The following TENM3 variants were observed in gnomAD, a reference collection of about 807,000 sequenced individuals.
TENM3 encodes the protein teneurin transmembrane protein 3.
A neutral mutation model predicts 255.1 loss-of-function variants in TENM3; 63 were observed. That is an observed-to-expected ratio of 0.25 (90% CI 0.20 to 0.30). The LOEUF (loss-of-function observed/expected upper bound fraction) is 0.30, where lower values mean the gene tolerates loss of function less well. Among genes scored for constraint, TENM3 ranks in the 10% least tolerant of loss-of-function variants. The probability of loss-of-function intolerance (pLI) is 1.00; values close to 1 mark genes in which losing one functional copy is unlikely to be tolerated. For synonymous variants in TENM3, 1,306 were observed against 1,322.3 expected (o/e 0.99, Z 0.27); for missense variants, 2,929 against 3,461.1 (o/e 0.85, Z 3.86).
chr4:182,406,228 C>T (rs563325564), intron 3 of TENM3, among the ~76,000 whole-genome samples: 4 of 152,146 alleles, frequency 2.6e-5, no homozygotes, highest in African/African-American at 9.6e-5. Context: ...TTGCTTGAAC[C>T]TGGGAGTCAG....
At chr4:182,728,085 G>A (rs566405900) in intron 13 of TENM3, among the ~76,000 whole-genome samples, 2 of 152,000 alleles carry the variant, frequency 1.3e-5, no homozygotes, top group Admixed American at 6.6e-5. Context: ...CTGACCTCAG[G>A]TGATATGCCC....
chr4:181,494,957 C>A, the TENM3 span, among the ~76,000 whole-genome samples: 1 of 152,036 alleles, frequency 6.6e-6, no homozygotes, highest in Non-Finnish European at 1.5e-5. Flanking sequence ...TCATCTTGTT[C>A]GGAGAAGTTA....
chr4:182,527,085 G>C (rs899892608), intron 3 of TENM3, among the ~76,000 whole-genome samples: 1 of 151,926 alleles, frequency 6.6e-6, no homozygotes, highest in African/African-American at 2.4e-5. Flanking sequence ...ATAATGAGTT[G>C]TCTAAAGTAT....
At chr4:182,586,381 G>C (rs1746025443) in intron 3 of TENM3, among the ~76,000 whole-genome samples, 1 of 152,140 alleles carries the variant, frequency 6.6e-6, no homozygotes, top group African/African-American at 2.4e-5. Context: ...CTTCGATGTT[G>C]GCCCTCATGT....
chr4:181,962,398 G>A, the TENM3 span, among the ~76,000 whole-genome samples: 1 of 152,172 alleles, frequency 6.6e-6, no homozygotes, highest in Non-Finnish European at 1.5e-5. Context: ...TGCCCTCTCT[G>A]TTGCATGCAA....
At chr4:182,155,042 A>G (rs190599255) in intron 1 of TENM3, among the ~76,000 whole-genome samples, 2 of 152,280 alleles carry the variant, frequency 1.3e-5, no homozygotes, top group East Asian at 1.9e-4. Flanking sequence ...AGATTACATA[A>G]TTGTGTTTAT....
chr4:181,942,417 C>T, the TENM3 span, among the ~76,000 whole-genome samples: 1 of 151,894 alleles, frequency 6.6e-6, no homozygotes, highest in Non-Finnish European at 1.5e-5. Context: ...TTCTAAGTGC[C>T]TAAAGGACCA....
At chr4:182,270,395 A>C (rs1008559505) in intron 1 of TENM3, among the ~76,000 whole-genome samples, 4 of 152,222 alleles carry the variant, frequency 2.6e-5, no homozygotes, top group Non-Finnish European at 5.9e-5. Context: ...GCTATTCCAG[A>C]CTGAAGGTGG....
chr4:182,185,496 G>GA (rs1182707072), intron 1 of TENM3, among the ~76,000 whole-genome samples: 6 of 152,012 alleles, frequency 3.9e-5, no homozygotes, highest in Non-Finnish European at 7.4e-5. Flanking sequence ...AACTAAAAAA[G>GA]AAAAAAAACT....
At chr4:182,104,501 CTCTTT>C in the TENM3 span, among the ~76,000 whole-genome samples, 1 of 123,948 alleles carries the variant, frequency 8.1e-6, no homozygotes, top group African/African-American at 3.0e-5. Flanking sequence ...TCACTGTTGA[CTCTTT>C]TTTTTTTTTT....
At chr4:181,512,870 G>T in the TENM3 span, among the ~76,000 whole-genome samples, 1 of 152,194 alleles carries the variant, frequency 6.6e-6, no homozygotes, top group African/African-American at 2.4e-5. Context: ...ATGCATATTA[G>T]ACGCATATTT....
the TENM3 span, among the ~76,000 whole-genome samples, chr4:181,709,043 T>C: frequency 6.6e-6 from 1 of 152,180 alleles, no homozygotes; most frequent in African/African-American, 2.4e-5. Flanking sequence ...AACCACTAAG[T>C]CTGTAATAAT....
chr4:182,264,123 A>T (rs1759072026), intron 1 of TENM3, among the ~76,000 whole-genome samples: 2 of 152,226 alleles, frequency 1.3e-5, no homozygotes, highest in Non-Finnish European at 2.9e-5. Flanking sequence ...AATGAAAAAA[A>T]ATCAGTGTTT....
At position 182,793,561 on chromosome 4, in the gene TENM3, G is replaced by C; in HGVS notation, c.6889G>C (p.Asp2297His). 1 of 1,613,924 alleles carries C rather than the reference G, an allele frequency of 6.2e-7. No individual in the cohort carries two copies. The highest frequency in any genetic ancestry group is 8.5e-7 in the Non-Finnish European group (1 of 1,179,838). Reference sequence around the variant, plus strand: ...TGGGGATGAATTCTATATTGCATCGGATAACACAGGGACACCACTGGCTGT... The same window carrying C: ...TGGGGATGAATTCTATATTGCATCGCATAACACAGGGACACCACTGGCTGT... ...SSGDEFYIAS[D>H]NTGTPLAVFS... The change falls in exon 26 of 28, where the codon GAT (aspartate) becomes CAT (histidine). Residue 2297 changes from aspartate to histidine, a missense_variant. Asp to His is a moderately conservative substitution (Grantham distance 81). This residue lies in a region of TENM3 where 256 missense variants were observed against 389.3 expected (regional missense o/e 0.66). Transcript: ENST00000511685. The surrounding 1 kb of genome is among the most constrained non-coding windows in gnomAD (Gnocchi z 5.7).
At position 182,673,001 on chromosome 4, in the gene TENM3, T is replaced by TCAGGAAAATTAGGTGGATTTACG; in HGVS notation, c.1112-1_1133dup. On this transcript the variant is annotated splice_region_variant and splice_polypyrimidine_tract_variant and intron_variant, in intron 6 of 27. Coordinates refer to ENST00000511685, the MANE Select transcript of TENM3 (RefSeq NM_001080477.4). Reference sequence around the variant, plus strand: ...TTCTTCATCAGTGCATCTCTTACATTCAGGAAAATTAGGTGGATTTACGCA... The same window carrying TCAGGAAAATTAGGTGGATTTACG: ...TTCTTCATCAGTGCATCTCTTACATTCAGGAAAATTAGGTGGATTTACGCAGGAAAATTAGGTGGATTTACGCA... The TCAGGAAAATTAGGTGGATTTACG allele has an allele frequency of 6.4e-7, 1 of 1,566,106 alleles. No individual in the cohort carries two copies. The highest frequency in any genetic ancestry group is 1.7e-4 in the Middle Eastern group (1 of 5,778).
At chr4:181,598,390 T>G in the TENM3 span, among the ~76,000 whole-genome samples, 1 of 152,326 alleles carries the variant, frequency 6.6e-6, no homozygotes, top group East Asian at 1.9e-4. Flanking sequence ...GTTGACCACC[T>G]TCCTCAACAT....
chr4:182,092,154 A>G, the TENM3 span, among the ~76,000 whole-genome samples: 2 of 152,150 alleles, frequency 1.3e-5, no homozygotes, highest in East Asian at 1.9e-4. Context: ...AGCCTGGCCA[A>G]CATGGTGAAG....
At chr4:182,728,903 C>A in intron 13 of TENM3, 62 bp from the exon 14 acceptor site, 14 of 1,274,456 alleles carry the variant, frequency 1.1e-5, no homozygotes, top group Admixed American at 2.1e-5. Context: ...AGAAACAAAA[C>A]TGATTCTACA....
intron 12 of TENM3, among the ~76,000 whole-genome samples, chr4:182,691,882 C>T (rs1196488755): frequency 6.6e-6 from 1 of 152,120 alleles, no homozygotes; most frequent in Non-Finnish European, 1.5e-5. Flanking sequence ...AATGATTTAA[C>T]AGTAATAGCA....
Sources: allele counts gnomAD v4.1 joint callset (sites outside exome capture counted in the v4.1 genomes callset), GRCh38; gene constraint gnomAD v4.1.1; regional missense constraint gnomAD v4.1.1; non-coding constraint Gnocchi (gnomAD v3.1); transcripts MANE v1.5; gene names NCBI Gene and HGNC (gene_info 2026-07-23, HGNC 2026-07-21).